Variants in IQSEC1 observed in about 807,000 individuals in gnomAD.
IQSEC1 encodes IQ motif and SEC7 domain-containing protein 1.
A neutral mutation model predicts 91.0 loss-of-function variants in IQSEC1; 31 were observed. The observed-to-expected ratio is 0.34, with a 90% CI of 0.26 to 0.46. The LOEUF (loss-of-function observed/expected upper bound fraction) is 0.46, where lower values mean the gene tolerates loss of function less well. Ranked by LOEUF, IQSEC1 falls within the 20% of genes least tolerant of loss-of-function variation. The probability of loss-of-function intolerance (pLI) is 1.00; values close to 1 mark genes in which losing one functional copy is unlikely to be tolerated. For missense variants in IQSEC1, 1,388 were observed against 1,575.6 expected (o/e 0.88, Z 2.02); for synonymous variants, 699 against 662.6 (o/e 1.05, Z -0.84).
chr3:13,225,478 A>T (rs1694735936), intron 1 of IQSEC1, among the ~76,000 whole-genome samples: 1 of 152,230 alleles, frequency 6.6e-6, no homozygotes, highest in African/African-American at 2.4e-5. Context: ...GGCTGTGTTA[A>T]AATGAAAGTT....
At chr3:13,033,054 T>A (rs1292377682) in intron 1 of IQSEC1, among the ~76,000 whole-genome samples, 1 of 152,028 alleles carries the variant, frequency 6.6e-6, no homozygotes, top group Admixed American at 6.6e-5. Flanking sequence ...AACAACAGCC[T>A]GTGTTTATTT....
intron 2 of IQSEC1, among the ~76,000 whole-genome samples, chr3:13,126,156 C>G (rs928876752): frequency 6.9e-6 from 1 of 144,910 alleles, no homozygotes; most frequent in Non-Finnish European, 1.5e-5. Context: ...GTGAAACACA[C>G]TCATGATGGA....
At chr3:12,973,683 A>G (rs974462154) in intron 1 of IQSEC1, among the ~76,000 whole-genome samples, 2 of 152,232 alleles carry the variant, frequency 1.3e-5, no homozygotes, top group Admixed American at 6.5e-5. Flanking sequence ...GCATGCCTAT[A>G]TCAAAATATC....
chr3:13,276,536 G>C (rs1172827924), intron 1 of IQSEC1, among the ~76,000 whole-genome samples: 4 of 152,136 alleles, frequency 2.6e-5, no homozygotes, highest in Non-Finnish European at 5.9e-5. Flanking sequence ...AGAGAGGCTG[G>C]GGCTGTTACT....
intron 1 of IQSEC1, among the ~76,000 whole-genome samples, chr3:13,054,619 C>G (rs1015855966): frequency 3.3e-5 from 5 of 152,208 alleles, no homozygotes; most frequent in African/African-American, 1.2e-4. Context: ...TTACTGTGCC[C>G]CTTGAGCTCA....
chr3:13,231,426 G>A (rs1260133158), intron 1 of IQSEC1, among the ~76,000 whole-genome samples: 1 of 152,166 alleles, frequency 6.6e-6, no homozygotes, highest in Non-Finnish European at 1.5e-5. Flanking sequence ...CCACATAGCG[G>A]GGATCTGGTC....
chr3:13,231,558 G>GA (rs1553577195), intron 1 of IQSEC1, among the ~76,000 whole-genome samples: 1 of 151,632 alleles, frequency 6.6e-6, no homozygotes, highest in African/African-American at 2.4e-5. Context: ...CCTCCCAACG[G>GA]CCCCACCTTC....
chr3:13,235,878 C>G (rs551631681), intron 1 of IQSEC1, among the ~76,000 whole-genome samples: 4 of 152,300 alleles, frequency 2.6e-5, no homozygotes, highest in East Asian at 3.9e-4. Flanking sequence ...CCGCCCCGTT[C>G]CCTGTAGCCA....
At position 12,898,387 on chromosome 3, in the gene IQSEC1, G is replaced by A. The variant is rs1057275117; in HGVS notation, c.*2596C>T. On this transcript the variant is annotated 3_prime_UTR_variant, in exon 14 of 14. Coordinates refer to ENST00000613206, the MANE Select transcript of IQSEC1 (RefSeq NM_001134382.3). The stretch of plus-strand genomic sequence containing the variant: ...TCACTAGCCTGAAGGAACACACTGA[G>A]TGCGGCGGGAAACCCCGGGAAGGGC... The A allele has an allele frequency of 6.6e-6, 1 of 152,284 alleles. No homozygotes were observed. The highest frequency in any genetic ancestry group is 1.5e-5 in the Non-Finnish European group (1 of 68,068). The allele number at this position is 152,284 out of a possible 1,614,324, so 9.4% of individuals were successfully genotyped here. A position where few individuals can be genotyped will look rare whatever the true frequency, so the allele number is the denominator to read the frequency against.
intron 1 of IQSEC1, among the ~76,000 whole-genome samples, chr3:12,948,132 A>C (rs550819771): frequency 1.3e-5 from 2 of 152,246 alleles, no homozygotes; most frequent in African/African-American, 2.4e-5. Flanking sequence ...AAATTGGGGT[A>C]ATTAGTGTAT....
intron 1 of IQSEC1, among the ~76,000 whole-genome samples, chr3:12,958,295 T>A (rs929786477): frequency 6.6e-6 from 1 of 151,978 alleles, no homozygotes; most frequent in African/African-American, 2.4e-5. Context: ...GGAAACACTA[T>A]CCCCCTCAAC....
chr3:12,967,791 C>A lies in IQSEC1; in HGVS notation c.24-25926G>T, dbSNP rs1172082646. The A allele has an allele frequency of 1.5e-6, 1 of 672,358 alleles. No homozygotes were observed. Among genetic ancestry groups the A allele is most frequent in the East Asian group, 1.2e-4 (1 of 8,006 alleles). 41.6% of individuals were successfully genotyped at this position (672,358 alleles called of 1,614,324 possible). A position where few individuals can be genotyped will look rare whatever the true frequency, so the allele number is the denominator to read the frequency against. ...GCTGGGGGCGGGGCCGGAGGGCGAG[C>A]TGGGGGCGGGGCTGCGCGCGGGGGC... On this transcript the variant is annotated intron_variant, in intron 1 of 13. Transcript: ENST00000613206. The surrounding 1 kb of genome is among the most constrained non-coding windows in gnomAD (Gnocchi z 5.9).
chr3:12,916,051 C>A (rs1696057887), intron 6 of IQSEC1, among the ~76,000 whole-genome samples: 1 of 152,228 alleles, frequency 6.6e-6, no homozygotes, highest in Admixed American at 6.5e-5. Context: ...TGGGTATAAT[C>A]ATCTCCATTC....
chr3:13,144,189 CCT>C (rs146216974), intron 2 of IQSEC1, among the ~76,000 whole-genome samples: 7,285 of 152,306 alleles, frequency 0.048, 242 homozygotes, highest in South Asian at 0.097. Context: ...GGTACCAACC[CCT>C]GTCCCCTCTT....
intron 1 of IQSEC1, among the ~76,000 whole-genome samples, chr3:12,987,922 C>T (rs894974348): frequency 2.0e-5 from 3 of 152,130 alleles, no homozygotes; most frequent in Non-Finnish European, 4.4e-5. Flanking sequence ...CGACAAAGAC[C>T]GACAATGCCC....
At chr3:13,239,663 G>A (rs1273192047) in intron 1 of IQSEC1, among the ~76,000 whole-genome samples, 1 of 152,242 alleles carries the variant, frequency 6.6e-6, no homozygotes, top group Non-Finnish European at 1.5e-5. Flanking sequence ...CAAACCCTCG[G>A]AGCCCACCCA....
intron 1 of IQSEC1, among the ~76,000 whole-genome samples, chr3:12,985,437 T>C (rs1452889997): frequency 6.6e-6 from 1 of 151,854 alleles, no homozygotes; most frequent in Non-Finnish European, 1.5e-5. Context: ...AGAGCTGGTC[T>C]CCAACTTGGG....
intron 2 of IQSEC1, among the ~76,000 whole-genome samples, chr3:13,119,592 G>A (rs191106571): frequency 7.9e-5 from 12 of 152,332 alleles, no homozygotes; most frequent in African/African-American, 2.9e-4. Flanking sequence ...TGCTGTTCAG[G>A]AAATAAAACT....
Position 12,940,058 on chromosome 3 carries a change from A to T in IQSEC1, c.318+1513T>A, listed in dbSNP as rs1301278380. Among the ~76,000 whole-genome samples the T allele has an allele frequency of 6.6e-6, 1 of 152,226 alleles. No homozygotes were observed. The highest frequency in any genetic ancestry group is 1.5e-5 in the Non-Finnish European group (1 of 68,040). On this transcript the variant is annotated intron_variant, in intron 2 of 13. Coordinates refer to ENST00000613206, the MANE Select transcript of IQSEC1 (RefSeq NM_001134382.3). This position sits in a 1 kb window ranked among gnomAD's most constrained non-coding sequence, Gnocchi z 4.4. ...ACAGTAAGCATATAATTCTCTTCAA[A>T]GGCCTCTATTAAGTCCCAACCTTTC...
Sources: allele counts gnomAD v4.1 joint callset (sites outside exome capture counted in the v4.1 genomes callset), GRCh38; gene constraint gnomAD v4.1.1; non-coding constraint Gnocchi (gnomAD v3.1); transcripts MANE v1.5; gene names NCBI Gene and HGNC (gene_info 2026-07-23, HGNC 2026-07-21).